DECR1: variants seen among roughly 807,000 people sequenced by gnomAD.
DECR1 encodes 2,4-dienoyl-CoA reductase 1, also known as 2,4-dienoyl-CoA reductase [(3E)-enoyl-CoA-producing], mitochondrial.
Under a neutral mutation model 38.8 loss-of-function variants are expected in DECR1, and 44 were observed. That is an observed-to-expected ratio of 1.13 (90% CI 0.89 to 1.46). The LOEUF (loss-of-function observed/expected upper bound fraction) is 1.46, where lower values mean the gene tolerates loss of function less well. Among genes scored for constraint, DECR1 ranks in the 40% most tolerant of loss-of-function variants. The pLI is 0.00. For synonymous variants in DECR1, 148 were observed against 135.2 expected, an observed-to-expected ratio of 1.09 and a Z score of -0.66; for missense variants, 428 against 405.5, an observed-to-expected ratio of 1.06 and a Z score of -0.48.
At chr8:90,049,179 G>T (rs1437179415) in intron 8 of DECR1, among the ~76,000 whole-genome samples, 1 of 152,194 alleles carries the variant, frequency 6.6e-6, no homozygotes, top group African/African-American at 2.4e-5. Flanking sequence ...TCTGGTCAGG[G>T]CAGTCAGGCA....
intron 5 of DECR1, among the ~76,000 whole-genome samples, chr8:90,033,497 G>A (rs1813546285): frequency 6.6e-6 from 1 of 152,142 alleles, no homozygotes; most frequent in Non-Finnish European, 1.5e-5. Context: ...GAAAATATAT[G>A]TGACTAACCC....
At chr8:90,025,186 G>A (rs1340636595) in intron 5 of DECR1, among the ~76,000 whole-genome samples, 1 of 152,174 alleles carries the variant, frequency 6.6e-6, no homozygotes, top group East Asian at 1.9e-4. Flanking sequence ...TTTGGCTTAG[G>A]ATTGTCTTGG....
chr8:90,004,694 T>C (rs1011556582), intron 1 of DECR1, among the ~76,000 whole-genome samples: 4 of 152,204 alleles, frequency 2.6e-5, no homozygotes, highest in South Asian at 2.1e-4. Context: ...CTTTATTCAG[T>C]GTAAAATTCT....
chr8:90,005,926 T>G (rs917770463), intron 1 of DECR1: 8 of 429,174 alleles, frequency 1.9e-5, no homozygotes, highest in Non-Finnish European at 3.4e-5. Flanking sequence ...GAGAGGGTGT[T>G]GGGAGGTGCC....
intron 7 of DECR1, among the ~76,000 whole-genome samples, chr8:90,044,028 T>G (rs1813826869): frequency 6.6e-6 from 1 of 152,166 alleles, no homozygotes; most frequent in Non-Finnish European, 1.5e-5. Context: ...GTCTAGCCAC[T>G]GAGATAGGAG....
chr8:90,006,799 T>A (rs1812753089), intron 1 of DECR1, among the ~76,000 whole-genome samples: 1 of 152,166 alleles, frequency 6.6e-6, no homozygotes, highest in South Asian at 2.1e-4. Flanking sequence ...GGGTCTGAAC[T>A]GAGGATAGCA....
Position 90,017,202 on chromosome 8 carries a change from G to A in DECR1, c.148G>A (p.Ala50Thr), listed in dbSNP as rs1586142376. 9 of 1,614,078 alleles carry A rather than the reference G, an allele frequency of 5.6e-6. No homozygotes were observed. The highest frequency in any genetic ancestry group is 7.6e-6 in the Non-Finnish European group (9 of 1,179,986). Reference sequence around the variant, plus strand: ...TAAATTCTTTTCACCTCTTCAAAAAGCGATGCTACCACCTAATAGTTTTCA... The same window carrying A: ...TAAATTCTTTTCACCTCTTCAAAAAACGATGCTACCACCTAATAGTTTTCA... Reference protein sequence around the residue: ...QSKFFSPLQKAMLPPNSFQGK... With the variant: ...QSKFFSPLQKTMLPPNSFQGK... Residue 50 changes from alanine (A) to threonine (T), a missense_variant, in exon 2 of 10, where the codon GCG (alanine) becomes ACG (threonine). By Grantham distance (58) the Ala-to-Thr change is moderately conservative. Transcript: ENST00000220764.
At chr8:90,020,448 G>T (rs1813124708) in intron 4 of DECR1, among the ~76,000 whole-genome samples, 1 of 152,080 alleles carries the variant, frequency 6.6e-6, no homozygotes, top group East Asian at 1.9e-4. Context: ...AGTGCAAGTG[G>T]CACAATCACG....
At chr8:90,045,795 C>T (rs1012737545) in intron 8 of DECR1, among the ~76,000 whole-genome samples, 1 of 152,202 alleles carries the variant, frequency 6.6e-6, no homozygotes, top group Non-Finnish European at 1.5e-5. Context: ...TAGGGGCCAA[C>T]TGACACCTCA....
intron 8 of DECR1, among the ~76,000 whole-genome samples, chr8:90,050,106 C>G (rs930815700): frequency 9.2e-5 from 14 of 152,204 alleles, no homozygotes; most frequent in African/African-American, 3.4e-4. Flanking sequence ...CCATTCAGGA[C>G]ATAGGCATGG....
At chr8:90,047,068 C>A (rs1263123580) in intron 8 of DECR1, among the ~76,000 whole-genome samples, 1 of 152,160 alleles carries the variant, frequency 6.6e-6, no homozygotes, top group South Asian at 2.1e-4. Flanking sequence ...GTACCAGCCA[C>A]TGCAAAAACA....
intron 1 of DECR1, among the ~76,000 whole-genome samples, chr8:90,013,474 C>T (rs2130028841): frequency 7.8e-6 from 1 of 128,546 alleles, no homozygotes; most frequent in African/African-American, 2.9e-5. Flanking sequence ...GTCACATACT[C>T]AGAGGCCTAA....
At chr8:90,008,651 A>G (rs929134842) in intron 1 of DECR1, among the ~76,000 whole-genome samples, 4 of 152,232 alleles carry the variant, frequency 2.6e-5, no homozygotes, top group African/African-American at 9.6e-5. Context: ...GCAAGAGGCA[A>G]GAAGAAATCA....
intron 6 of DECR1, among the ~76,000 whole-genome samples, chr8:90,038,647 G>A (rs1813675866): frequency 6.6e-6 from 1 of 151,870 alleles, no homozygotes; most frequent in Non-Finnish European, 1.5e-5. Context: ...TAGTAGAGAT[G>A]GGATTTCCTC....
intron 6 of DECR1, among the ~76,000 whole-genome samples, chr8:90,039,518 A>C (rs1813697780): frequency 6.6e-6 from 1 of 152,154 alleles, no homozygotes; most frequent in Non-Finnish European, 1.5e-5. Flanking sequence ...ACCTGGTCCC[A>C]CCCTTGACAT....
At chr8:90,024,221 G>C (rs1164116756) in intron 5 of DECR1, among the ~76,000 whole-genome samples, 12 of 152,162 alleles carry the variant, frequency 7.9e-5, no homozygotes, top group Non-Finnish European at 1.5e-4. Context: ...ATAATCCTTT[G>C]GGTATATACC....
intron 8 of DECR1, among the ~76,000 whole-genome samples, chr8:90,049,111 C>A (rs1411448112): frequency 2.0e-5 from 3 of 152,164 alleles, no homozygotes; most frequent in Admixed American, 2.0e-4. Flanking sequence ...CCTTTGAAAA[C>A]TGGCACAAGA....
intron 4 of DECR1, among the ~76,000 whole-genome samples, chr8:90,020,284 A>G (rs1263708321): frequency 6.6e-6 from 1 of 152,258 alleles, no homozygotes; most frequent in Non-Finnish European, 1.5e-5. Context: ...AACTAAAATG[A>G]CACCAGAAAC....
At chr8:90,042,949 T>A in intron 7 of DECR1, 149 bp downstream of exon 7, 1 of 652,052 alleles carries the variant, frequency 1.5e-6, no homozygotes, top group Non-Finnish European at 2.7e-6. Flanking sequence ...CTTTATTCAT[T>A]ATCGAATATA....
Sources: allele counts gnomAD v4.1 joint callset (sites outside exome capture counted in the v4.1 genomes callset), GRCh38; gene constraint gnomAD v4.1.1; transcripts MANE v1.5; gene names NCBI Gene and HGNC (gene_info 2026-07-23, HGNC 2026-07-21).